The following CDH4 variants were observed in gnomAD, a reference collection of about 807,000 sequenced individuals.
CDH4 encodes the protein cadherin-4.
A neutral mutation model predicts 86.0 loss-of-function variants in CDH4; 33 were observed. The observed-to-expected ratio is 0.38, with a 90% CI of 0.29 to 0.51. The LOEUF is 0.51. Ranked by LOEUF, CDH4 falls within the 20% of genes least tolerant of loss-of-function variation. The pLI is 0.86. For synonymous variants in CDH4, 555 were observed against 549.4 expected (o/e 1.01, Z -0.14); for missense variants, 1,114 against 1,307.4 (o/e 0.85, Z 2.28).
intron 2 of CDH4, among the ~76,000 whole-genome samples, chr20:61,741,548 A>G (rs1364830862): frequency 1.3e-5 from 2 of 150,830 alleles, no homozygotes; most frequent in African/African-American, 4.9e-5. Flanking sequence ...CTGGAGTGCC[A>G]TGGCGTGATC....
At chr20:61,493,634 G>A (rs1600710987) in intron 2 of CDH4, among the ~76,000 whole-genome samples, 1 of 152,184 alleles carries the variant, frequency 6.6e-6, no homozygotes, top group South Asian at 2.1e-4. Flanking sequence ...GGGGATATCC[G>A]CTGCACACAG....
intron 2 of CDH4, among the ~76,000 whole-genome samples, chr20:61,361,872 C>G (rs2084785077): frequency 6.6e-6 from 1 of 152,202 alleles, no homozygotes; most frequent in Admixed American, 6.5e-5. Context: ...AAGTACTGTT[C>G]CAGACCCAGG....
chr20:61,694,235 C>T (rs966359898), intron 2 of CDH4, among the ~76,000 whole-genome samples: 2 of 152,122 alleles, frequency 1.3e-5, no homozygotes, highest in African/African-American at 4.8e-5. Context: ...CGGGAAGAGG[C>T]GCAGGTAGAG....
intron 2 of CDH4, among the ~76,000 whole-genome samples, chr20:61,405,537 G>T (rs773763036): frequency 7.9e-5 from 12 of 152,144 alleles, no homozygotes; most frequent in Non-Finnish European, 1.6e-4. Context: ...ACTATTAGAC[G>T]AGTTGATATT....
intron 2 of CDH4, among the ~76,000 whole-genome samples, chr20:61,597,556 G>A (rs936043165): frequency 1.3e-5 from 2 of 152,220 alleles, no homozygotes; most frequent in Admixed American, 1.3e-4. Context: ...CGAACAGAGG[G>A]GCCGGTTACT....
intron 4 of CDH4, among the ~76,000 whole-genome samples, chr20:61,781,996 G>GA (rs1375117861): frequency 6.6e-6 from 1 of 152,142 alleles, no homozygotes; most frequent in Non-Finnish European, 1.5e-5. Flanking sequence ...TTTATATCCA[G>GA]AAAAAATATC....
At position 61,810,020 on chromosome 20, in the gene CDH4, C is replaced by T. The variant is rs1325152624; in HGVS notation, c.577-34648C>T. The stretch of plus-strand genomic sequence containing the variant: ...GTTGGTGATTGCCGTGATAATCCTG[C>T]ATAACAACCACCCATAAAACCTCAG... On this transcript the variant is annotated intron_variant, in intron 4 of 15. Coordinates refer to ENST00000614565, the MANE Select transcript of CDH4 (RefSeq NM_001794.5). This position sits in a 1 kb window ranked among gnomAD's most constrained non-coding sequence, Gnocchi z 4.3. 6.6e-6 allele frequency among the ~76,000 whole-genome samples: 1 copy of T among 152,196 alleles called. No individual in the cohort carries two copies. Among genetic ancestry groups the T allele is most frequent in the African/African-American group, 2.4e-5 (1 of 41,440 alleles).
chr20:61,931,984 C>G (rs1333648203), intron 13 of CDH4, among the ~76,000 whole-genome samples: 7 of 152,122 alleles, frequency 4.6e-5, no homozygotes, highest in Non-Finnish European at 1.0e-4. Flanking sequence ...CCAGCGACGC[C>G]CTGGACTGAC....
At chr20:61,890,318 A>G (rs1984763010) in intron 7 of CDH4, among the ~76,000 whole-genome samples, 1 of 150,264 alleles carries the variant, frequency 6.7e-6, no homozygotes, top group South Asian at 2.1e-4. Context: ...GGATGGATAG[A>G]TGGATGATGG....
chr20:61,521,541 G>A (rs893450956), intron 2 of CDH4, among the ~76,000 whole-genome samples: 16 of 152,274 alleles, frequency 1.1e-4, no homozygotes, highest in African/African-American at 2.6e-4. Flanking sequence ...CCAGGGGGCC[G>A]CCAAGAAAAC....
rs1484555823 is a variant in CDH4 at position 61,623,033 on chromosome 20, A to G, written c.170-120530A>G. 6.6e-6 allele frequency among the ~76,000 whole-genome samples: 1 copy of G among 152,186 alleles called. No homozygotes were observed. Among genetic ancestry groups the G allele is most frequent in the Non-Finnish European group, 1.5e-5 (1 of 68,044 alleles). ...AACATGGACCACAACCAGTCATTTAAGACAGTCAGGGAAACAAACGGGGAG... is the reference window on the plus strand; with the variant it reads ...AACATGGACCACAACCAGTCATTTAGGACAGTCAGGGAAACAAACGGGGAG... On this transcript the variant is annotated intron_variant, in intron 2 of 15. Coordinates refer to ENST00000614565, the MANE Select transcript of CDH4 (RefSeq NM_001794.5). The surrounding 1 kb of genome is among the most constrained non-coding windows in gnomAD (Gnocchi z 4.4).
intron 2 of CDH4, among the ~76,000 whole-genome samples, chr20:61,731,293 C>T (rs1020912663): frequency 6.6e-6 from 1 of 152,108 alleles, no homozygotes; most frequent in Non-Finnish European, 1.5e-5. Flanking sequence ...GGCCCCCCGG[C>T]GGCCCCTCAC....
At chr20:61,781,816 A>G (rs1224508891) in intron 4 of CDH4, among the ~76,000 whole-genome samples, 1 of 152,252 alleles carries the variant, frequency 6.6e-6, no homozygotes, top group Admixed American at 6.5e-5. Flanking sequence ...CACCGATCAT[A>G]GTCAAACTGC....
chr20:61,896,587 G>C (rs556998930), intron 8 of CDH4, among the ~76,000 whole-genome samples: 3 of 152,340 alleles, frequency 2.0e-5, no homozygotes, highest in Admixed American at 1.3e-4. Flanking sequence ...CCAGGAGCCC[G>C]AGGAGCATTT....
chr20:61,879,028 G>C lies in CDH4; in HGVS notation c.1050+5128G>C, dbSNP rs560477858. On this transcript the variant is annotated intron_variant, in intron 7 of 15. Coordinates refer to ENST00000614565, the MANE Select transcript of CDH4 (RefSeq NM_001794.5). This position sits in a 1 kb window ranked among gnomAD's most constrained non-coding sequence, Gnocchi z 4.1. ...TCTGCAGCAGAGGATGCACGTTGTCGGATTTTCAGCAGCAAACAATAAAAC... is the reference window on the plus strand; with the variant it reads ...TCTGCAGCAGAGGATGCACGTTGTCCGATTTTCAGCAGCAAACAATAAAAC... Among the ~76,000 whole-genome samples the C allele has an allele frequency of 5.3e-5, 8 of 152,362 alleles. No individual in the cohort carries two copies. The highest frequency in any genetic ancestry group is 1.9e-4 in the African/African-American group (8 of 41,586).
At chr20:61,777,073 C>T (rs1467734644) in intron 4 of CDH4, among the ~76,000 whole-genome samples, 2 of 152,196 alleles carry the variant, frequency 1.3e-5, no homozygotes, top group Non-Finnish European at 2.9e-5. Flanking sequence ...TCATTCTTTA[C>T]CCTCTGCCCT....
chr20:61,834,464 T>C (rs895157476), intron 4 of CDH4, among the ~76,000 whole-genome samples: 2 of 152,178 alleles, frequency 1.3e-5, no homozygotes, highest in African/African-American at 4.8e-5. Context: ...AGGACCCTGC[T>C]CCCGTATCCC....
intron 2 of CDH4, among the ~76,000 whole-genome samples, chr20:61,260,938 A>T (rs546619772): frequency 2.0e-5 from 3 of 152,226 alleles, no homozygotes; most frequent in African/African-American, 7.2e-5. Flanking sequence ...AAAGCGCTGC[A>T]TGGTGCATCA....
intron 2 of CDH4, among the ~76,000 whole-genome samples, chr20:61,497,667 G>T (rs1336779487): frequency 3.9e-5 from 6 of 152,114 alleles, no homozygotes; most frequent in Non-Finnish European, 8.8e-5. Flanking sequence ...CAAGGATCTA[G>T]AACTAGAAAT....
Sources: allele counts gnomAD v4.1 joint callset (sites outside exome capture counted in the v4.1 genomes callset), GRCh38; gene constraint gnomAD v4.1.1; non-coding constraint Gnocchi (gnomAD v3.1); transcripts MANE v1.5; gene names NCBI Gene and HGNC (gene_info 2026-07-23, HGNC 2026-07-21).